Variants in KAT6B observed in about 807,000 individuals in gnomAD.
KAT6B encodes lysine acetyltransferase 6B, also known as histone acetyltransferase KAT6B.
A neutral mutation model predicts 187.5 loss-of-function variants in KAT6B; 10 were observed. The ratio of observed to expected loss-of-function variants is 0.05; its 90% CI spans 0.03 to 0.09. The LOEUF is 0.09. Ranked by LOEUF, KAT6B falls within the 10% of genes least tolerant of loss-of-function variation. KAT6B has a pLI of 1.00. For missense variants in KAT6B, 1,952 were observed against 2,558.9 expected, an observed-to-expected ratio of 0.76 and a Z score of 5.12; for synonymous variants, 861 against 926.8, an observed-to-expected ratio of 0.93 and a Z score of 1.29.
intron 12 of KAT6B, among the ~76,000 whole-genome samples, chr10:74,988,562 G>A (rs1459759366): frequency 6.6e-6 from 1 of 152,124 alleles, no homozygotes; most frequent in East Asian, 1.9e-4. Flanking sequence ...AGTTTCACTG[G>A]GACATTTGCC....
intron 13 of KAT6B, among the ~76,000 whole-genome samples, chr10:75,000,975 G>T (rs576077462): frequency 4.7e-4 from 72 of 152,126 alleles, no homozygotes; most frequent in Non-Finnish European, 7.8e-4. Flanking sequence ...TCCAGGTTAT[G>T]AATTTGGCTC....
At chr10:74,945,217 A>G (rs1473075581) in intron 3 of KAT6B, among the ~76,000 whole-genome samples, 5 of 152,244 alleles carry the variant, frequency 3.3e-5, no homozygotes, top group Non-Finnish European at 4.4e-5. Context: ...CACACATGCA[A>G]CAACATGGAT....
chr10:74,912,167 T>A (rs1035150421), intron 3 of KAT6B, among the ~76,000 whole-genome samples: 3 of 150,076 alleles, frequency 2.0e-5, no homozygotes, highest in African/African-American at 4.9e-5. Flanking sequence ...TTATGCTCAA[T>A]TTTTTTTTTA....
chr10:74,918,637 G>A (rs944457377), intron 3 of KAT6B, among the ~76,000 whole-genome samples: 1 of 152,126 alleles, frequency 6.6e-6, no homozygotes, highest in Non-Finnish European at 1.5e-5. Flanking sequence ...CAGCTACTTG[G>A]GAGGCTGAGG....
intron 3 of KAT6B, among the ~76,000 whole-genome samples, chr10:74,850,813 A>G (rs1010494168): frequency 1.3e-5 from 2 of 152,220 alleles, no homozygotes. Context: ...TAGCATTTTT[A>G]TAAAATCAGT....
At chr10:75,010,686 C>G (rs1488787032) in intron 13 of KAT6B, among the ~76,000 whole-genome samples, 1 of 152,150 alleles carries the variant, frequency 6.6e-6, no homozygotes, top group African/African-American at 2.4e-5. Flanking sequence ...ATCAGTGGTA[C>G]TGCCATGATT....
chr10:75,021,289 A>T lies in KAT6B; in HGVS notation c.3021+4A>T, dbSNP rs1290976435. 2 of 1,613,738 alleles carry T rather than the reference A, an allele frequency of 1.2e-6. No individual in the cohort carries two copies. The highest frequency in any genetic ancestry group is 1.7e-6 in the Non-Finnish European group (2 of 1,179,778). On this transcript the variant is annotated splice_donor_region_variant and intron_variant, in intron 15 of 17. Transcript: ENST00000287239. Reference sequence around the variant, plus strand: ...AGAGCGAGAAGCTGAGAAAGAGGTAATGATTGTCTTTATCATCCTAAGTTG... The same window carrying T: ...AGAGCGAGAAGCTGAGAAAGAGGTATTGATTGTCTTTATCATCCTAAGTTG...
At chr10:75,027,717 G>A (rs1564629965) in intron 17 of KAT6B, among the ~76,000 whole-genome samples, 1 of 152,050 alleles carries the variant, frequency 6.6e-6, no homozygotes, top group African/African-American at 2.4e-5. Flanking sequence ...CACAATTATG[G>A]TTTGTTTCTA....
chr10:74,852,566 A>G (rs1011805047), intron 3 of KAT6B, among the ~76,000 whole-genome samples: 58 of 152,220 alleles, frequency 3.8e-4, no homozygotes, highest in African/African-American at 1.4e-3. Context: ...GTCTCAAACT[A>G]GTTAGTTGGG....
chr10:74,991,033 C>G (rs905605475), intron 13 of KAT6B, among the ~76,000 whole-genome samples: 4 of 152,098 alleles, frequency 2.6e-5, no homozygotes, highest in Non-Finnish European at 4.4e-5. Context: ...CAAAATCCTG[C>G]CCATTGTTAA....
chr10:74,992,386 A>G (rs968812724), intron 13 of KAT6B, among the ~76,000 whole-genome samples: 13 of 152,218 alleles, frequency 8.5e-5, no homozygotes. Flanking sequence ...AATACATTTA[A>G]TACACCTAAT....
intron 4 of KAT6B, among the ~76,000 whole-genome samples, chr10:74,963,630 G>T (rs924708898): frequency 2.0e-5 from 3 of 152,132 alleles, no homozygotes; most frequent in African/African-American, 7.2e-5. Flanking sequence ...AACAAAATTT[G>T]CATGCTCATG....
At chr10:74,876,290 C>G (rs982555093) in intron 3 of KAT6B, among the ~76,000 whole-genome samples, 1 of 152,092 alleles carries the variant, frequency 6.6e-6, no homozygotes, top group African/African-American at 2.4e-5. Context: ...GCACATCTCT[C>G]CTATGTGGGG....
rs376786888 is a variant in KAT6B, at chr10:74,893,410, AT to A, written c.621+49935del. The stretch of plus-strand genomic sequence containing the variant: ...TTTTAATAACTGAAAGTTTGGCTTT[AT>A]TTAAGATAATATTTTCTTTTTAAAA... On this transcript the variant is annotated intron_variant, in intron 3 of 17. Coordinates refer to ENST00000287239, the MANE Select transcript of KAT6B (RefSeq NM_012330.4). Among the ~76,000 whole-genome samples the A allele has an allele frequency of 2.2e-4, 33 of 152,012 alleles. No homozygotes were observed. The South Asian group carries it at 6.4e-3, about 30-fold the overall frequency.
At chr10:74,909,164 A>G (rs531889357) in intron 3 of KAT6B, among the ~76,000 whole-genome samples, 9 of 152,346 alleles carry the variant, frequency 5.9e-5, no homozygotes, top group Admixed American at 3.3e-4. Context: ...TTAGGTCAGG[A>G]GTTCGAGACT....
intron 3 of KAT6B, among the ~76,000 whole-genome samples, chr10:74,866,937 C>T (rs887902089): frequency 2.0e-5 from 3 of 152,162 alleles, no homozygotes; most frequent in Admixed American, 6.5e-5. Context: ...GAATCCCACA[C>T]TTGGGGAAAT....
In KAT6B at chr10:75,028,942, A is replaced by G. The variant is rs373140884; in HGVS notation, c.4118A>G (p.Glu1373Gly). The change falls in exon 18 of 18, where the codon GAA becomes GGA. Residue 1373 changes from glutamate to glycine, a missense_variant. This residue lies in a region of KAT6B where 758 missense variants were observed against 891.4 expected (regional missense o/e 0.85). Transcript: ENST00000287239. The part of the protein sequence containing the change: ...EEEEEEGEEE[E>G]GGGNVEKDPD... The stretch of plus-strand genomic sequence containing the variant: ...GAAGAAGAGGAAGGGGAAGAAGAAG[A>G]AGGAGGAGGAAATGTAGAAAAAGAT... The G allele has an allele frequency of 4.5e-5, 73 of 1,612,410 alleles. No individual in the cohort carries two copies. The highest frequency in any genetic ancestry group is 1.3e-4 in the African/African-American group (10 of 74,886).
Position 74,975,979 on chromosome 10 carries a change from T to C in KAT6B, c.1642T>C (p.Ser548Pro). 6.2e-7 allele frequency: 1 copy of C among 1,614,052 alleles called. No individual in the cohort carries two copies. Among genetic ancestry groups the C allele is most frequent in the Non-Finnish European group, 8.5e-7 (1 of 1,180,010 alleles). ...GCTGAAGGCACTCTTTGATGGGCTT[T>C]CTCATATCTATACCACTCAGGGACA... ...SQLKALFDGL[S>P]HIYTTQGQSR... The change falls in exon 8 of 18, where the codon TCT (serine) becomes CCT (proline). Residue 548 changes from serine to proline, a missense_variant. Transcript: ENST00000287239.
chr10:74,996,387 GC>G (rs1034163786), intron 13 of KAT6B, among the ~76,000 whole-genome samples: 120 of 152,316 alleles, frequency 7.9e-4, no homozygotes, highest in African/African-American at 2.5e-3. Context: ...GCGTGAGGAA[GC>G]ATGTTACATA....
Sources: gnomAD v4.1 joint callset for allele counts (sites outside exome capture counted in the v4.1 genomes callset) on GRCh38, gnomAD v4.1.1 for gene constraint, gnomAD v4.1.1 regional missense constraint, MANE v1.5 for transcripts, NCBI Gene and HGNC (gene_info 2026-07-23, HGNC 2026-07-21) for gene names.